STAB1: variants seen among roughly 807,000 people sequenced by gnomAD.
The protein encoded by STAB1 is stabilin-1.
Under a neutral mutation model 332.4 loss-of-function variants are expected in STAB1, and 250 were observed. The observed-to-expected ratio is 0.75, with a 90% CI of 0.68 to 0.84. STAB1 has a LOEUF of 0.84. STAB1 is among the 40% of genes least tolerant of loss of function. The pLI is 0.00. For missense variants in STAB1, 3,249 were observed against 3,489.7 expected (o/e 0.93, Z 1.74); for synonymous variants, 1,475 against 1,390.4 (o/e 1.06, Z -1.35).
At chr3:52,502,574 T>C in intron 5 of STAB1, 58 bp from the exon 6 acceptor site, 3 of 1,458,560 alleles carry the variant, frequency 2.1e-6, no homozygotes, top group Non-Finnish European at 2.9e-6. Context: ...GGACCCGATG[T>C]CCCAGTGTGT....
At chr3:52,510,298 C>T (rs1396587383) in intron 24 of STAB1, 51 bp from the exon 25 acceptor site, 1 of 1,613,850 alleles carries the variant, frequency 6.2e-7, no homozygotes, top group Non-Finnish European at 8.5e-7. Context: ...ATGCCCTGGC[C>T]CTCTGCCTAC....
At chr3:52,497,068 C>G (rs1708084405) in intron 1 of STAB1, among the ~76,000 whole-genome samples, 1 of 152,202 alleles carries the variant, frequency 6.6e-6, no homozygotes, top group South Asian at 2.1e-4. Context: ...GTGGCGTGAT[C>G]TCGGCTCAGT....
At chr3:52,521,084 G>A in intron 55 of STAB1, 79 bp downstream of exon 55, 1 of 1,444,620 alleles carries the variant, frequency 6.9e-7, no homozygotes, top group Non-Finnish European at 9.1e-7. Flanking sequence ...TTGTCCTTGA[G>A]AGAGTGTTGG....
At chr3:52,502,466 C>G (rs888710470) in intron 5 of STAB1, among the ~76,000 whole-genome samples, 166 bp from the exon 6 acceptor site, 36 of 152,340 alleles carry the variant, frequency 2.4e-4, no homozygotes, top group African/African-American at 8.7e-4. Context: ...GGGCCAGTGC[C>G]TTCTGTGGTC....
intron 45 of STAB1, 102 bp from the exon 46 acceptor site, chr3:52,518,210 C>T (rs1279217501): frequency 6.4e-7 from 1 of 1,573,164 alleles, no homozygotes; most frequent in African/African-American, 1.4e-5. Context: ...CTTTCCTTTC[C>T]TCATGTCTGC....
chr3:52,515,967 G>A (rs771504226), intron 37 of STAB1, 76 bp from the exon 38 acceptor site: 70 of 1,456,522 alleles, frequency 4.8e-5, no homozygotes, highest in Non-Finnish European at 6.2e-5. Context: ...CTGTGGCCCC[G>A]AGATGCCCCC....
At position 52,522,206 on chromosome 3, in the gene STAB1, C is replaced by G. The variant is rs201328927; in HGVS notation, c.6441C>G (p.His2147Gln). ...TDGHRGGCSE[H>Q]ANCLSTGLNT... ...GCCACCGCGGGGGCTGCAGCGAGCACGCCAACTGCTTGAGCACCGGCCTGG... is the reference window on the plus strand; with the variant it reads ...GCCACCGCGGGGGCTGCAGCGAGCAGGCCAACTGCTTGAGCACCGGCCTGG... The change falls in exon 59 of 69, where the codon CAC (histidine) becomes CAG (glutamine). Residue 2147 changes from histidine to glutamine, a missense_variant. Physicochemically the swap from His to Gln is conservative, Grantham distance 24. Transcript: ENST00000321725. The G allele has an allele frequency of 6.2e-7, 1 of 1,612,666 alleles. No homozygotes were observed. Among genetic ancestry groups the G allele is most frequent in the Non-Finnish European group, 8.5e-7 (1 of 1,179,930 alleles).
In STAB1 at chr3:52,516,711, G is replaced by C; in HGVS notation, c.4306G>C (p.Gly1436Arg). The C allele has an allele frequency of 6.2e-7, 1 of 1,612,050 alleles. No individual in the cohort carries two copies. The highest frequency in any genetic ancestry group is 8.5e-7 in the Non-Finnish European group (1 of 1,179,826). ...PNANCVQDSA[G>R]ASTCACAAGY... is the part of the protein sequence containing the mutation. ...TCCCAGCTGCGTGCAGGACTCGGCC[G>C]GAGCCTCCACCTGCGCCTGTGCTGC... Residue 1436 changes from glycine (G) to arginine (R), a missense_variant, in exon 41 of 69, where the codon GGA becomes CGA. Coordinates refer to ENST00000321725, the MANE Select transcript of STAB1 (RefSeq NM_015136.3).
intron 1 of STAB1, among the ~76,000 whole-genome samples, chr3:52,498,830 C>T (rs1479429528): frequency 6.6e-6 from 1 of 152,230 alleles, no homozygotes; most frequent in Non-Finnish European, 1.5e-5. Context: ...ATTTCCTAGT[C>T]TCTCCCTGGC....
At chr3:52,514,877 G>A in intron 35 of STAB1, 48 bp downstream of exon 35, 1 of 1,612,874 alleles carries the variant, frequency 6.2e-7, no homozygotes, top group Non-Finnish European at 8.5e-7. Context: ...TTCAGAGCTG[G>A]GAGGGCCTAG....
At chr3:52,515,253 G>C (rs2078821918) in intron 36 of STAB1, among the ~76,000 whole-genome samples, 170 bp from the exon 37 acceptor site, 1 of 152,160 alleles carries the variant, frequency 6.6e-6, no homozygotes, top group African/African-American at 2.4e-5. Flanking sequence ...CCCGAGGCTT[G>C]GATCCTGTCC....
chr3:52,515,469 C>T lies in STAB1; in HGVS notation c.3911C>T (p.Ser1304Phe). 1.9e-6 allele frequency: 3 copies of T among 1,613,546 alleles called. No individual in the cohort carries two copies. Among genetic ancestry groups the T allele is most frequent in the Non-Finnish European group, 1.7e-6 (2 of 1,180,018 alleles). ...SCVYRSGFSF[S>F]RGCSYTCAKK... is the part of the protein sequence containing the mutation. The stretch of plus-strand genomic sequence containing the variant: ...GTCTACCGATCTGGCTTCTCCTTCT[C>T]CCGGGGCTGCTCTTACACATGTGCC... The change falls in exon 37 of 69, where the codon TCC (serine) becomes TTC (phenylalanine). Residue 1304 changes from serine to phenylalanine, a missense_variant. By Grantham distance (155) the Ser-to-Phe change is radical. Coordinates refer to ENST00000321725, the MANE Select transcript of STAB1 (RefSeq NM_015136.3).
chr3:52,514,141 G>A lies in STAB1; in HGVS notation c.3474G>A (p.Glu1158=), dbSNP rs760852195. Residue 1158 remains glutamate (E), a synonymous_variant, in exon 33 of 69, where the codon GAG becomes GAA. Transcript: ENST00000321725. The part of the protein sequence containing the change: ...LQHHGLVPQI[E]AATAYTIFVP... Reference sequence around the variant, plus strand: ...ACCATGGGTTGGTGCCCCAGATTGAGGCTGCCACTGCCTACACCATCTTTG... The same window carrying A: ...ACCATGGGTTGGTGCCCCAGATTGAAGCTGCCACTGCCTACACCATCTTTG... The A allele has an allele frequency of 1.2e-6, 2 of 1,613,374 alleles. No individual in the cohort carries two copies. Among genetic ancestry groups the A allele is most frequent in the South Asian group, 2.2e-5 (2 of 91,084 alleles).
At position 52,517,327 on chromosome 3, in the gene STAB1, C is replaced by T; in HGVS notation, c.4497C>T (p.Asn1499=). 2 of 1,584,980 alleles carry T rather than the reference C, an allele frequency of 1.3e-6. No homozygotes were observed. The highest frequency in any genetic ancestry group is 8.6e-7 in the Non-Finnish European group (1 of 1,168,218). ...CAGTGTCTCTTCCCCCAGAAATTAA[C>T]AGCTGTCTCATCCACCACGGGGGCT... ...MGDGELCQEI[N]SCLIHHGGCH... The change falls in exon 43 of 69, where the codon AAC becomes AAT. Residue 1499 remains asparagine (N), a synonymous_variant. Transcript: ENST00000321725.
chr3:52,512,250 C>A, intron 26 of STAB1, 91 bp from the exon 27 acceptor site: 1 of 1,242,970 alleles, frequency 8.0e-7, no homozygotes, highest in Non-Finnish European at 1.2e-6. Flanking sequence ...GGGGCTGGGG[C>A]TGGGTGGCTG....
Position 52,499,753 on chromosome 3 carries a change from G to A in STAB1, c.79-1413G>A, listed in dbSNP as rs375100599. ...TCTCTACTAAAAATACAAAAAATTA[G>A]CCGGGCGTAGTGGCGGGCGCCTGTA... On this transcript the variant is annotated intron_variant, in intron 1 of 68. Transcript: ENST00000321725. Among the ~76,000 whole-genome samples the A allele has an allele frequency of 1.6e-3, 236 of 151,546 alleles. 3 individuals carry two copies. The highest frequency in any genetic ancestry group is 5.1e-3 in the African/African-American group (210 of 41,312).
intron 1 of STAB1, among the ~76,000 whole-genome samples, chr3:52,498,167 C>T (rs148962071): frequency 6.6e-6 from 1 of 152,364 alleles, no homozygotes; most frequent in African/African-American, 2.4e-5. Context: ...GAATTTCATC[C>T]ACCTTCTCAC....
Position 52,524,487 on chromosome 3 carries a change from T to C in STAB1, c.*131T>C, listed in dbSNP as rs756366185. ...AGGTGCCCTCAGCGGATGTGGGCCATGTCACCAAGGAAGGGGGTCTTCATG... is the reference window on the plus strand; with the variant it reads ...AGGTGCCCTCAGCGGATGTGGGCCACGTCACCAAGGAAGGGGGTCTTCATG... On this transcript the variant is annotated 3_prime_UTR_variant, in exon 69 of 69. Transcript: ENST00000321725. The C allele has an allele frequency of 4.3e-6, 7 of 1,612,856 alleles. No individual in the cohort carries two copies. Among genetic ancestry groups the C allele is most frequent in the Non-Finnish European group, 5.9e-6 (7 of 1,180,006 alleles).
In STAB1 at chr3:52,505,902, A is replaced by G. The variant is rs1209210452; in HGVS notation, c.1715A>G (p.Glu572Gly). Residue 572 changes from glutamate to glycine, a missense_variant, in exon 16 of 69, where the codon GAG (glutamate) becomes GGG (glycine). By Grantham distance (98) the Glu-to-Gly change is moderately conservative. Transcript: ENST00000321725. ...TGCCAGGGTCTCTCTAAACTGCAGGAGTTGGTGCGGTACCACATCTACAAC... is the reference window on the plus strand; with the variant it reads ...TGCCAGGGTCTCTCTAAACTGCAGGGGTTGGTGCGGTACCACATCTACAAC... ...LFTAGLSKLQ[E>G]LVRYHIYNHG... The G allele has an allele frequency of 6.2e-7, 1 of 1,613,872 alleles. No homozygotes were observed. The highest frequency in any genetic ancestry group is 1.1e-5 in the South Asian group (1 of 91,070).
Sources: gnomAD v4.1 joint callset for allele counts (sites outside exome capture counted in the v4.1 genomes callset) on GRCh38, gnomAD v4.1.1 for gene constraint, MANE v1.5 for transcripts, NCBI Gene and HGNC (gene_info 2026-07-23, HGNC 2026-07-21) for gene names.